NSD2: variants seen among roughly 807,000 people sequenced by gnomAD.
NSD2 encodes nuclear receptor binding SET domain protein 2, also known as histone-lysine N-methyltransferase NSD2.
A neutral mutation model predicts 139.0 loss-of-function variants in NSD2; 12 were observed. The observed-to-expected ratio is 0.09, with a 90% CI of 0.06 to 0.14. NSD2 has a LOEUF of 0.14. Ranked by LOEUF, NSD2 falls within the 10% of genes least tolerant of loss-of-function variation. The pLI is 1.00. For synonymous variants in NSD2, 669 were observed against 648.7 expected, an observed-to-expected ratio of 1.03 and a Z score of -0.48; for missense variants, 1,155 against 1,745.0, an observed-to-expected ratio of 0.66 and a Z score of 6.02.
Position 1,908,449 on chromosome 4 carries a change from G to T in NSD2, c.760+4071G>T, listed in dbSNP as rs184707143. Among the ~76,000 whole-genome samples, 184 of 152,296 alleles carry T rather than the reference G, an allele frequency of 1.2e-3. 1 individual carries two copies. The highest frequency in any genetic ancestry group is 2.6e-3 in the African/African-American group (108 of 41,570). Reference sequence around the variant, plus strand: ...CAGAAGACTGATAATATACTTTTTTGTGTGTGTGAAGGCATTAGAGTATAA... The same window carrying T: ...CAGAAGACTGATAATATACTTTTTTTTGTGTGTGAAGGCATTAGAGTATAA... On this transcript the variant is annotated intron_variant, in intron 3 of 21. Coordinates refer to ENST00000508803, the MANE Select transcript of NSD2 (RefSeq NM_001042424.3).
At position 1,942,963 on chromosome 4, in the gene NSD2, C is replaced by G. The variant is rs1723251672; in HGVS notation, c.1881+3185C>G. 1 of 1,051,600 alleles carries G rather than the reference C, an allele frequency of 9.5e-7. No individual in the cohort carries two copies. Among genetic ancestry groups the G allele is most frequent in the African/African-American group, 1.7e-5 (1 of 60,270 alleles). 65.1% of individuals were successfully genotyped at this position (1,051,600 alleles called of 1,614,324 possible). On this transcript the variant is annotated intron_variant, in intron 9 of 21. Coordinates refer to ENST00000508803, the MANE Select transcript of NSD2 (RefSeq NM_001042424.3). This position sits in a 1 kb window ranked among gnomAD's most constrained non-coding sequence, Gnocchi z 4.0. Reference sequence around the variant, plus strand: ...AACAGTTTTATTATGACACTAGATACAGTAAATTTTTAGAAAAAAATACCA... The same window carrying G: ...AACAGTTTTATTATGACACTAGATAGAGTAAATTTTTAGAAAAAAATACCA...
intron 8 of NSD2, 53 bp downstream of exon 8, chr4:1,938,585 T>TG: frequency 1.8e-6 from 1 of 546,912 alleles, no homozygotes; most frequent in Non-Finnish European, 3.5e-6. Flanking sequence ...CAGGCTGGGC[T>TG]GGGTGGGTGG....
At chr4:1,968,614 A>G (rs28673461) in intron 18 of NSD2, among the ~76,000 whole-genome samples, 1 of 152,336 alleles carries the variant, frequency 6.6e-6, no homozygotes. Context: ...GAGAAATAAT[A>G]GTAATTAGAA....
intron 6 of NSD2, among the ~76,000 whole-genome samples, chr4:1,931,029 C>T (rs1237607750): frequency 6.6e-6 from 1 of 152,082 alleles, no homozygotes; most frequent in East Asian, 1.9e-4. Flanking sequence ...GTTGAGCAGC[C>T]ACTGTGGTCA....
intron 18 of NSD2, among the ~76,000 whole-genome samples, chr4:1,969,604 G>A (rs1275557443): frequency 6.6e-6 from 1 of 151,878 alleles, no homozygotes; most frequent in Non-Finnish European, 1.5e-5. Context: ...CTACTCAGGA[G>A]GCTGAGGTGG....
intron 3 of NSD2, among the ~76,000 whole-genome samples, chr4:1,909,234 A>G (rs189184887): frequency 9.9e-5 from 15 of 152,168 alleles, no homozygotes; most frequent in Non-Finnish European, 1.9e-4. Context: ...AAGATGTTCC[A>G]GGCTCATCTT....
chr4:1,896,151 C>G (rs1176865183), intron 1 of NSD2, among the ~76,000 whole-genome samples: 1 of 152,218 alleles, frequency 6.6e-6, no homozygotes, highest in East Asian at 1.9e-4. Context: ...ACACTTGGTG[C>G]TCCTAATCAC....
rs1443211765 is a variant in NSD2 at position 1,940,080 on chromosome 4, T to C, written c.1881+302T>C. 1.0e-5 allele frequency: 13 copies of C among 1,254,832 alleles called. No individual in the cohort carries two copies. In the East Asian group the frequency reaches 3.7e-4, roughly 36 times the overall value. 77.7% of individuals were successfully genotyped at this position (1,254,832 alleles called of 1,614,324 possible). ...TCTGTCTGAAGAATGTTGTGTTCTGTGTAGCCCTCACACTGTAAGAGTTCA... is the reference window on the plus strand; with the variant it reads ...TCTGTCTGAAGAATGTTGTGTTCTGCGTAGCCCTCACACTGTAAGAGTTCA... On this transcript the variant is annotated intron_variant, in intron 9 of 21. Transcript: ENST00000508803.
At chr4:1,964,216 T>C (rs922355157) in intron 18 of NSD2, among the ~76,000 whole-genome samples, 2 of 152,026 alleles carry the variant, frequency 1.3e-5, no homozygotes, top group Non-Finnish European at 2.9e-5. Flanking sequence ...GAATGAGATA[T>C]GGAGGGTAAA....
chr4:1,875,642 C>T (rs1714195908), intron 1 of NSD2, among the ~76,000 whole-genome samples: 1 of 152,134 alleles, frequency 6.6e-6, no homozygotes, highest in Admixed American at 6.6e-5. Flanking sequence ...GTGGCTCACG[C>T]CTGTAATCCC....
intron 5 of NSD2, among the ~76,000 whole-genome samples, chr4:1,926,877 A>G (rs902108500): frequency 1.3e-5 from 2 of 152,186 alleles, no homozygotes; most frequent in African/African-American, 4.8e-5. Flanking sequence ...ATGCCTTGGT[A>G]TTAGTTATCT....
At chr4:1,874,392 A>G (rs866411356) in intron 1 of NSD2, among the ~76,000 whole-genome samples, 24 of 152,106 alleles carry the variant, frequency 1.6e-4, no homozygotes, top group African/African-American at 5.8e-4. Context: ...TGGCTTTTTA[A>G]TGGCCACTTG....
chr4:1,906,129 G>C (rs1717864785), intron 3 of NSD2, among the ~76,000 whole-genome samples: 1 of 152,084 alleles, frequency 6.6e-6, no homozygotes, highest in South Asian at 2.1e-4. Flanking sequence ...TAGTGTCTGG[G>C]GATATTTACT....
chr4:1,874,269 T>C (rs1295521436), intron 1 of NSD2, among the ~76,000 whole-genome samples: 1 of 152,220 alleles, frequency 6.6e-6, no homozygotes, highest in East Asian at 1.9e-4. Flanking sequence ...TTGTAGTAAG[T>C]GTGACCTTGT....
At chr4:1,902,995 C>T (rs1189179412) in intron 2 of NSD2, among the ~76,000 whole-genome samples, 2 of 152,010 alleles carry the variant, frequency 1.3e-5, no homozygotes, top group Admixed American at 6.6e-5. Flanking sequence ...GGCAACATAG[C>T]GAGACCCGGT....
chr4:1,909,068 TA>T (rs369569430), intron 3 of NSD2, among the ~76,000 whole-genome samples: 210 of 146,958 alleles, frequency 1.4e-3, no homozygotes, highest in African/African-American at 4.6e-3. Flanking sequence ...AGCTCCTCCC[TA>T]AAAAAAAAAG....
intron 5 of NSD2, among the ~76,000 whole-genome samples, chr4:1,929,444 C>T (rs375450754): frequency 7.9e-5 from 12 of 152,118 alleles, no homozygotes; most frequent in Non-Finnish European, 5.9e-5. Flanking sequence ...CTTCACTTGC[C>T]GAAGTCCACA....
rs987042095 is a variant in NSD2, at chr4:1,980,733, C to T, written c.*1824C>T. 4.3e-6 allele frequency: 1 copy of T among 233,178 alleles called. No homozygotes were observed. The highest frequency in any genetic ancestry group is 8.5e-6 in the Non-Finnish European group (1 of 117,976). The allele number at this position is 233,178 out of a possible 1,614,324, so 14.4% of individuals were successfully genotyped here. A position where few individuals can be genotyped will look rare whatever the true frequency, so the allele number is the denominator to read the frequency against. ...AACTACACAGAGGACCCAGGGGAAA[C>T]GAGCTGTGTAGCCACTGACTTGCTC... is the stretch of plus-strand genomic sequence containing the variant. On this transcript the variant is annotated 3_prime_UTR_variant, in exon 22 of 22. Coordinates refer to ENST00000508803, the MANE Select transcript of NSD2 (RefSeq NM_001042424.3).
At chr4:1,917,681 T>C (rs1333856273) in intron 4 of NSD2, among the ~76,000 whole-genome samples, 2 of 152,090 alleles carry the variant, frequency 1.3e-5, no homozygotes, top group Non-Finnish European at 1.5e-5. Context: ...AGGTGATGTG[T>C]CTGCCTCAGC....
Sources: gnomAD v4.1 joint callset for allele counts (sites outside exome capture counted in the v4.1 genomes callset) on GRCh38, gnomAD v4.1.1 for gene constraint, Gnocchi (gnomAD v3.1) non-coding constraint, MANE v1.5 for transcripts, NCBI Gene and HGNC (gene_info 2026-07-23, HGNC 2026-07-21) for gene names.